TTC21A: variants seen among roughly 807,000 people sequenced by gnomAD.
TTC21A encodes tetratricopeptide repeat domain 21A.
TTC21A carries 128 observed loss-of-function variants against 156.4 expected under a neutral mutation model. That is an observed-to-expected ratio of 0.82 (90% CI 0.71 to 0.95). The LOEUF (loss-of-function observed/expected upper bound fraction) is 0.95. Among genes scored for constraint, TTC21A ranks in the 40% least tolerant of loss-of-function variants. TTC21A has a pLI of 0.00. For missense variants in TTC21A, 1,435 were observed against 1,602.3 expected (o/e 0.90, Z 1.78); for synonymous variants, 587 against 617.1 (o/e 0.95, Z 0.72).
intron 26 of TTC21A, 33 bp downstream of exon 26, chr3:39,137,743 A>G: frequency 6.3e-7 from 1 of 1,582,222 alleles, no homozygotes; most frequent in Non-Finnish European, 8.6e-7. Context: ...GGGCTGCGGG[A>G]TGGCGGAAAG....
At chr3:39,132,321 T>G (rs927534662) in intron 19 of TTC21A, among the ~76,000 whole-genome samples, 8 of 152,206 alleles carry the variant, frequency 5.3e-5, no homozygotes, top group African/African-American at 1.9e-4. Context: ...AGGTCTGGCC[T>G]TTCCCAACCC....
rs531566130 is a variant in TTC21A, at chr3:39,110,709, C to T, written c.269-142C>T. ...TGGTTTCCAGGCCTTGGGCTGCATG[C>T]GGTGTGCTGCATATGTTGAAGGAGA... On this transcript the variant is annotated intron_variant, in intron 3 of 28. Coordinates refer to ENST00000683103, the MANE Select transcript of TTC21A (RefSeq NM_001366900.1). The T allele has an allele frequency of 3.4e-4, 274 of 815,646 alleles. 1 individual carries two copies. In the Middle Eastern group the frequency reaches 6.7e-3, roughly 20 times the overall value. The allele number at this position is 815,646 out of a possible 1,614,324, so 50.5% of individuals were successfully genotyped here. A position where few individuals can be genotyped will look rare whatever the true frequency, so the allele number is the denominator to read the frequency against.
At position 39,133,206 on chromosome 3, in the gene TTC21A, A is replaced by C. The variant is rs372771854; in HGVS notation, c.2717A>C (p.Lys906Thr). ...KEYDKAVQSY[K>T]DVFSYLPTDN... ...TATGACAAGGCGGTACAGTCTTATAAGGATGTCTTCTCCTACTTGCCAACT... is the reference window on the plus strand; with the variant it reads ...TATGACAAGGCGGTACAGTCTTATACGGATGTCTTCTCCTACTTGCCAACT... The change falls in exon 20 of 29, where the codon AAG (lysine) becomes ACG (threonine). Residue 906 changes from lysine to threonine, a missense_variant. Lys to Thr is a moderately conservative substitution (Grantham distance 78). Transcript: ENST00000683103. 5 of 1,614,042 alleles carry C rather than the reference A, an allele frequency of 3.1e-6. No homozygotes were observed. In the Admixed American group the frequency reaches 8.3e-5, roughly 27 times the overall value.
In TTC21A at chr3:39,126,338, A is replaced by G; in HGVS notation, c.1470A>G (p.Ala490=). The change falls in exon 12 of 29, where the codon GCA becomes GCG. Residue 490 remains alanine, a synonymous_variant. Coordinates refer to ENST00000683103, the MANE Select transcript of TTC21A (RefSeq NM_001366900.1). ...TCTTGAATCCTGTAGTCAAAGCAGC[A>G]CCAGCTCTGATCGACCCCCTGTATT... is the stretch of plus-strand genomic sequence containing the variant. ...AVILNPVVKA[A]PALIDPLYLM... is the part of the protein sequence containing the mutation. 2.5e-6 allele frequency: 4 copies of G among 1,614,064 alleles called. No homozygotes were observed. Among genetic ancestry groups the G allele is most frequent in the Non-Finnish European group, 3.4e-6 (4 of 1,179,992 alleles).
Position 39,110,119 on chromosome 3 carries a change from A to T in TTC21A, c.248A>T (p.His83Leu). The T allele has an allele frequency of 6.2e-7, 1 of 1,614,026 alleles. No homozygotes were observed. Residue 83 changes from histidine (H) to leucine (L), a missense_variant, in exon 3 of 29, where the codon CAC (histidine) becomes CTC (leucine). Transcript: ENST00000683103. ...TCCACCATGGCCCTCATTTATGCTCACAAAAGATGTGAAATCATTGGTGAG... is the reference window on the plus strand; with the variant it reads ...TCCACCATGGCCCTCATTTATGCTCTCAAAAGATGTGAAATCATTGGTGAG... Reference protein sequence around the residue: ...LCSTMALIYAHKRCEIIDREA... With the variant: ...LCSTMALIYALKRCEIIDREA...
chr3:39,138,155 C>A (rs1051185948), intron 26 of TTC21A, 112 bp from the exon 27 acceptor site: 2 of 1,520,274 alleles, frequency 1.3e-6, no homozygotes, highest in Non-Finnish European at 1.8e-6. Context: ...TGGTTTATGG[C>A]AGCTCACTTC....
intron 13 of TTC21A, 41 bp downstream of exon 13, chr3:39,128,529 T>C (rs1408991756): frequency 6.2e-7 from 1 of 1,612,352 alleles, no homozygotes; most frequent in Admixed American, 1.7e-5. Context: ...AAAGCCCAGC[T>C]AGCTGTGGCC....
chr3:39,113,456 A>G (rs2037002460), intron 5 of TTC21A, among the ~76,000 whole-genome samples: 1 of 152,230 alleles, frequency 6.6e-6, no homozygotes, highest in African/African-American at 2.4e-5. Flanking sequence ...TGAGCTCCCC[A>G]TCAGTGCCTT....
chr3:39,108,997 A>G lies in TTC21A; in HGVS notation c.28-88A>G, dbSNP rs2036540810. ...GCAGAACTGAGGAGGAGCAGGGGAT[A>G]GGGAAGGGAGCAGGTCTCATCCCAT... On this transcript the variant is annotated intron_variant, in intron 1 of 28. Coordinates refer to ENST00000683103, the MANE Select transcript of TTC21A (RefSeq NM_001366900.1). 4.2e-6 allele frequency: 6 copies of G among 1,424,894 alleles called. No individual in the cohort carries two copies. The Admixed American group carries it at 9.3e-5, about 22-fold the overall frequency. The allele number at this position is 1,424,894 out of a possible 1,614,324, so 88.3% of individuals were successfully genotyped here. A position where few individuals can be genotyped will look rare whatever the true frequency, so the allele number is the denominator to read the frequency against.
chr3:39,114,986 G>T (rs551066584), intron 6 of TTC21A, among the ~76,000 whole-genome samples: 2 of 152,126 alleles, frequency 1.3e-5, no homozygotes, highest in African/African-American at 2.4e-5. Context: ...GAGGGTAAAG[G>T]CTTATTGTTT....
rs2038639291 is a variant in TTC21A at position 39,130,448 on chromosome 3, G to C, written c.2319+90G>C. 1 of 1,131,156 alleles carries C rather than the reference G, an allele frequency of 8.8e-7. No homozygotes were observed. Among genetic ancestry groups the C allele is most frequent in the East Asian group, 2.5e-5 (1 of 40,188 alleles). The allele number at this position is 1,131,156 out of a possible 1,614,324, so 70.1% of individuals were successfully genotyped here. On this transcript the variant is annotated intron_variant, in intron 17 of 28. Coordinates refer to ENST00000683103, the MANE Select transcript of TTC21A (RefSeq NM_001366900.1). The surrounding 1 kb of genome is among the most constrained non-coding windows in gnomAD (Gnocchi z 4.5). The stretch of plus-strand genomic sequence containing the variant: ...TACATGACTGGGGAGCTCTGGGTGG[G>C]AGGAGAGTGGCTGACTTTTCACTCA...
intron 5 of TTC21A, among the ~76,000 whole-genome samples, chr3:39,113,322 G>A (rs2036989648): frequency 6.6e-6 from 1 of 152,200 alleles, no homozygotes; most frequent in South Asian, 2.1e-4. Context: ...ATTATTGTGA[G>A]CCAGCTTATC....
rs759272838 is a variant in TTC21A, at chr3:39,137,214, T to C, written c.3277T>C (p.Leu1093=). The C allele has an allele frequency of 6.2e-7, 1 of 1,612,164 alleles. No individual in the cohort carries two copies. Among genetic ancestry groups the C allele is most frequent in the African/African-American group, 1.3e-5 (1 of 74,676 alleles). The change falls in exon 25 of 29, where the codon TTG becomes CTG. Residue 1093 remains leucine, a synonymous_variant. Transcript: ENST00000683103. ...CTGCAGCTACATGGAGAAGAAGGAG[T>C]TGGAGCAGCAGGGTGTGAGCACCGC... ...AESNYMEKKE[L]EQQGVSTAEK...
chr3:39,126,278 GATCGTGTCTCCA>G lies in TTC21A; in HGVS notation c.1411_1422del (p.Ile471_Pro474del). ...TCCCACAGCCCAGGTTACCAGGCCA[GATCGTGTCTCCA>G]CTTCTTAAACAAGTCGCCGTGATCT... On this transcript the variant is annotated inframe_deletion, in exon 12 of 29. Coordinates refer to ENST00000683103, the MANE Select transcript of TTC21A (RefSeq NM_001366900.1). 6.2e-7 allele frequency: 1 copy of G among 1,614,110 alleles called. No individual in the cohort carries two copies. The highest frequency in any genetic ancestry group is 8.5e-7 in the Non-Finnish European group (1 of 1,180,010).
At chr3:39,126,663 G>T (rs1185830746) in intron 12 of TTC21A, among the ~76,000 whole-genome samples, 1 of 148,822 alleles carries the variant, frequency 6.7e-6, no homozygotes, top group Non-Finnish European at 1.5e-5. Flanking sequence ...ATGCACACAC[G>T]TGCACACACA....
intron 26 of TTC21A, 133 bp downstream of exon 26, chr3:39,137,843 G>C (rs1226073528): frequency 8.4e-6 from 8 of 952,242 alleles, no homozygotes; most frequent in Non-Finnish European, 9.5e-6. Context: ...GGCTGAGAGG[G>C]GCACATGGGC....
chr3:39,115,752 C>CT (rs1356265576), intron 6 of TTC21A, among the ~76,000 whole-genome samples: 1 of 152,116 alleles, frequency 6.6e-6, no homozygotes, highest in Non-Finnish European at 1.5e-5. Context: ...GTCATCTTCA[C>CT]TTTTTTCCCA....
At chr3:39,133,897 A>G (rs1369315968) in intron 20 of TTC21A, among the ~76,000 whole-genome samples, 1 of 152,208 alleles carries the variant, frequency 6.6e-6, no homozygotes, top group Non-Finnish European at 1.5e-5. Flanking sequence ...GCATGGGGAT[A>G]CAGGGCACCA....
rs1242663440 is a variant in TTC21A, at chr3:39,130,189, C to G, written c.2208+38C>G. 6.2e-7 allele frequency: 1 copy of G among 1,612,304 alleles called. No homozygotes were observed. Among genetic ancestry groups the G allele is most frequent in the Non-Finnish European group, 8.5e-7 (1 of 1,178,932 alleles). On this transcript the variant is annotated intron_variant, in intron 16 of 28. Transcript: ENST00000683103. The surrounding 1 kb of genome is among the most constrained non-coding windows in gnomAD (Gnocchi z 4.5). ...CCTCACAGCCTTGCCAAGTGGCCCC[C>G]CAGTCTCCCTTCTCCAGTGGGAGAG... is the stretch of plus-strand genomic sequence containing the variant.
Sources: allele counts gnomAD v4.1 joint callset (sites outside exome capture counted in the v4.1 genomes callset), GRCh38; gene constraint gnomAD v4.1.1; non-coding constraint Gnocchi (gnomAD v3.1); transcripts MANE v1.5; gene names NCBI Gene and HGNC (gene_info 2026-07-23, HGNC 2026-07-21).